The following RAPGEF5 variants were observed in gnomAD, a reference collection of about 807,000 sequenced individuals.
RAPGEF5 encodes Rap guanine nucleotide exchange factor 5, also known as M-Ras-regulated GEF.
RAPGEF5 carries 65 observed loss-of-function variants against 125.2 expected under a neutral mutation model. The observed-to-expected ratio is 0.52, with a 90% CI of 0.43 to 0.64. RAPGEF5 has a LOEUF of 0.64. Among genes scored for constraint, RAPGEF5 ranks in the 30% least tolerant of loss-of-function variants. The probability of loss-of-function intolerance (pLI) is 0.00; values close to 1 mark genes in which losing one functional copy is unlikely to be tolerated. For missense variants in RAPGEF5, 958 were observed against 1,048.1 expected (o/e 0.91, Z 1.19); for synonymous variants, 391 against 385.9 (o/e 1.01, Z -0.16).
intron 1 of RAPGEF5, among the ~76,000 whole-genome samples, chr7:22,332,137 A>G (rs926531603): frequency 1.3e-5 from 2 of 152,192 alleles, no homozygotes; most frequent in Non-Finnish European, 2.9e-5. Flanking sequence ...TTTTAACTAT[A>G]TTTGACAGAT....
At chr7:22,122,759 T>C (rs1583376347) in intron 25 of RAPGEF5, among the ~76,000 whole-genome samples, 2 of 152,358 alleles carry the variant, frequency 1.3e-5, no homozygotes, top group Middle Eastern at 6.8e-3. Flanking sequence ...TAACATTGTA[T>C]ATTATTTAGA....
At chr7:22,215,480 T>C (rs1479442199) in intron 9 of RAPGEF5, among the ~76,000 whole-genome samples, 1 of 152,224 alleles carries the variant, frequency 6.6e-6, no homozygotes, top group Non-Finnish European at 1.5e-5. Context: ...GTATCTCAGT[T>C]AGTTGTGTTG....
At chr7:22,255,058 C>T (rs771792970) in intron 7 of RAPGEF5, among the ~76,000 whole-genome samples, 18 of 152,092 alleles carry the variant, frequency 1.2e-4, no homozygotes, top group Non-Finnish European at 2.4e-4. Flanking sequence ...GAATGTTTTA[C>T]CTGGAGTTCA....
rs1391482558 is a variant in RAPGEF5, at chr7:22,122,496, T to C, written c.2562A>G (p.Gln854=). The C allele has an allele frequency of 6.2e-7, 1 of 1,613,640 alleles. No individual in the cohort carries two copies. The highest frequency in any genetic ancestry group is 8.5e-7 in the Non-Finnish European group (1 of 1,179,680). ...QFGDLSPKEH[Q]ELKSYVNHLY... ...GGTGATTAACATAGGACTTTAACTC[T>C]TGATGCTCTTTTGGAGACAGGTCAC... Residue 854 remains glutamine (Q), a synonymous_variant, in exon 26 of 26, where the codon CAA becomes CAG. Coordinates refer to ENST00000665637, the MANE Select transcript of RAPGEF5 (RefSeq NM_012294.5).
At chr7:22,327,008 T>A (rs959415465) in intron 1 of RAPGEF5, among the ~76,000 whole-genome samples, 5 of 152,208 alleles carry the variant, frequency 3.3e-5, no homozygotes, top group African/African-American at 1.2e-4. Context: ...AATCATACCT[T>A]AATAAAGTGG....
chr7:22,221,073 T>C (rs1445847698), intron 8 of RAPGEF5, among the ~76,000 whole-genome samples: 2 of 152,220 alleles, frequency 1.3e-5, no homozygotes, highest in Admixed American at 6.5e-5. Flanking sequence ...TATCTCTTTA[T>C]CTAGCAGTTT....
chr7:22,322,135 C>G (rs541686317), intron 1 of RAPGEF5, among the ~76,000 whole-genome samples: 1 of 150,736 alleles, frequency 6.6e-6, no homozygotes, highest in African/African-American at 2.4e-5. Flanking sequence ...TTTTCTTTTT[C>G]TTTTTCTTTT....
chr7:22,308,433 A>C lies in RAPGEF5; in HGVS notation c.586T>G (p.Cys196Gly). The C allele has an allele frequency of 6.3e-7, 1 of 1,578,564 alleles. No individual in the cohort carries two copies. Among genetic ancestry groups the C allele is most frequent in the South Asian group, 1.2e-5 (1 of 86,012 alleles). The change falls in exon 5 of 26, where the codon TGT becomes GGT. Residue 196 changes from cysteine (C) to glycine (G), a missense_variant. Cys to Gly is a radical substitution (Grantham distance 159, BLOSUM62 -3). Transcript: ENST00000665637. ...FSSDECSYLYCEFEREEEWQN... is the reference protein window; with the variant it reads ...FSSDECSYLYGEFEREEEWQN... ...CATTCTTCTTCTCTTTCAAATTCAC[A>C]GTACAAGTAGCTACATTCATCAGAG...
chr7:22,304,480 A>G (rs1321991271), intron 5 of RAPGEF5, among the ~76,000 whole-genome samples: 1 of 152,228 alleles, frequency 6.6e-6, no homozygotes, highest in Non-Finnish European at 1.5e-5. Flanking sequence ...AAATTTTAAA[A>G]TTTTTCATTT....
intron 5 of RAPGEF5, among the ~76,000 whole-genome samples, chr7:22,305,643 G>T (rs1783319175): frequency 6.6e-6 from 1 of 152,110 alleles, no homozygotes; most frequent in Non-Finnish European, 1.5e-5. Flanking sequence ...CAAAGAGTGG[G>T]CCTTATTCAT....
At chr7:22,270,202 A>G (rs543927970) in intron 6 of RAPGEF5, among the ~76,000 whole-genome samples, 1 of 152,188 alleles carries the variant, frequency 6.6e-6, no homozygotes, top group Admixed American at 6.5e-5. Context: ...CTGTGCCTGC[A>G]CTGAATAAAA....
intron 1 of RAPGEF5, among the ~76,000 whole-genome samples, chr7:22,324,984 G>T (rs1489824633): frequency 6.6e-6 from 1 of 152,156 alleles, no homozygotes; most frequent in African/African-American, 2.4e-5. Flanking sequence ...CAGCCAGGCA[G>T]GTTGTCTCCT....
intron 1 of RAPGEF5, 156 bp downstream of exon 1, chr7:22,356,674 C>T (rs1784426405): frequency 3.4e-6 from 1 of 297,760 alleles, no homozygotes; most frequent in Non-Finnish European, 5.4e-6. Context: ...CCTCAAAACC[C>T]GCCGTCCCGG....
At position 22,193,991 on chromosome 7, in the gene RAPGEF5, G is replaced by C. The variant is rs1320267946; in HGVS notation, c.1039C>G (p.Gln347Glu). The change falls in exon 10 of 26, where the codon CAG becomes GAG. Residue 347 changes from glutamine to glutamate, a missense_variant. Gln to Glu is a conservative substitution (Grantham distance 29, BLOSUM62 2). Transcript: ENST00000665637. ...VTTVQVKEQD[Q>E]SVLVLKKVQC... ...ACTTTCTTCAGCACCAGGACGCTCT[G>C]GTCTTGCTCTTTAACCTGAACAGTC... 6.2e-7 allele frequency: 1 copy of C among 1,613,772 alleles called. No homozygotes were observed. The highest frequency in any genetic ancestry group is 8.5e-7 in the Non-Finnish European group (1 of 1,179,860).
At chr7:22,212,573 T>C (rs1343700675) in intron 9 of RAPGEF5, among the ~76,000 whole-genome samples, 1 of 110,028 alleles carries the variant, frequency 9.1e-6, no homozygotes, top group African/African-American at 3.0e-5. Context: ...CTTCTTGATA[T>C]CTCTTCTTTT....
intron 9 of RAPGEF5, among the ~76,000 whole-genome samples, chr7:22,208,544 G>A (rs1487092489): frequency 2.0e-5 from 3 of 152,172 alleles, no homozygotes; most frequent in Non-Finnish European, 4.4e-5. Context: ...CTGAAGACCA[G>A]TGCAATAACC....
chr7:22,183,217 C>G (rs551778295), intron 11 of RAPGEF5, among the ~76,000 whole-genome samples: 1 of 124,580 alleles, frequency 8.0e-6, no homozygotes, highest in Admixed American at 1.1e-4. Context: ...TGCAGTGAGT[C>G]GAGATGGTGC....
intron 1 of RAPGEF5, among the ~76,000 whole-genome samples, chr7:22,344,017 C>T (rs1784178184): frequency 1.3e-5 from 2 of 152,252 alleles, no homozygotes; most frequent in South Asian, 2.1e-4. Flanking sequence ...TGTTTATGCA[C>T]AGAAATGGCC....
chr7:22,239,273 C>A (rs1054076670), intron 7 of RAPGEF5, among the ~76,000 whole-genome samples: 26 of 152,148 alleles, frequency 1.7e-4, no homozygotes, highest in African/African-American at 6.3e-4. Flanking sequence ...TGCCTTCCCC[C>A]CAAATCCTCC....
Sources: gnomAD v4.1 joint callset for allele counts (sites outside exome capture counted in the v4.1 genomes callset) on GRCh38, gnomAD v4.1.1 for gene constraint, MANE v1.5 for transcripts, NCBI Gene and HGNC (gene_info 2026-07-23, HGNC 2026-07-21) for gene names.